The following ETV6 variants were observed in gnomAD, a reference collection of about 807,000 sequenced individuals.
ETV6 encodes the protein transcription factor ETV6.
A neutral mutation model predicts 51.1 loss-of-function variants in ETV6; 16 were observed. The ratio of observed to expected loss-of-function variants is 0.31; its 90% CI spans 0.21 to 0.48. The LOEUF (loss-of-function observed/expected upper bound fraction) is 0.48, where lower values mean the gene tolerates loss of function less well. Among genes scored for constraint, ETV6 ranks in the 20% least tolerant of loss-of-function variants. The probability of loss-of-function intolerance (pLI) is 0.99; values close to 1 mark genes in which losing one functional copy is unlikely to be tolerated. For missense variants in ETV6, 458 were observed against 594.8 expected (o/e 0.77, Z 2.39); for synonymous variants, 240 against 224.1 (o/e 1.07, Z -0.64).
Position 11,884,542 on chromosome 12 carries a change from G to T in ETV6, c.1107G>T (p.Arg369=), listed in dbSNP as rs1403185312. ...RWEDKESKIF[R]IVDPNGLARL... is the part of the protein sequence containing the mutation. ...AGGACAAAGAATCCAAAATATTCCG[G>T]ATAGTGGATCCCAACGGACTGGCTC... The change falls in exon 6 of 8, where the codon CGG becomes CGT. Residue 369 remains arginine (R), a synonymous_variant. Transcript: ENST00000396373. 3 of 1,614,188 alleles carry T rather than the reference G, an allele frequency of 1.9e-6. No individual in the cohort carries two copies. The South Asian group carries it at 3.3e-5, about 18-fold the overall frequency.
rs1408618906 is a variant in ETV6 at position 11,869,070 on chromosome 12, A to C, written c.464-354A>C. Among the ~76,000 whole-genome samples, 1 of 151,998 alleles carries C rather than the reference A, an allele frequency of 6.6e-6. No individual in the cohort carries two copies. The highest frequency in any genetic ancestry group is 2.4e-5 in the African/African-American group (1 of 41,378). On this transcript the variant is annotated intron_variant, in intron 4 of 7. Transcript: ENST00000396373. This position sits in a 1 kb window ranked among gnomAD's most constrained non-coding sequence, Gnocchi z 5.0. ...GCTAACACGGTGAAACCCCATCTCT[A>C]CTAAAAATAAAAAAAATTAGCCGAG...
At chr12:11,773,702 A>G (rs1029156154) in intron 2 of ETV6, among the ~76,000 whole-genome samples, 1 of 152,234 alleles carries the variant, frequency 6.6e-6, no homozygotes, top group Non-Finnish European at 1.5e-5. Context: ...AAATGAAGGC[A>G]GTTGAGGAAA....
chr12:11,891,001 G>A lies in ETV6; in HGVS notation c.1314G>A (p.Glu438=), dbSNP rs754228750. The change falls in exon 8 of 8, where the codon GAG becomes GAA. Residue 438 remains glutamate, a synonymous_variant. Coordinates refer to ENST00000396373, the MANE Select transcript of ETV6 (RefSeq NM_001987.5). The part of the protein sequence containing the change: ...SGRTDRLEHL[E]SQELDEQIYQ... ...GAACAGACCGTCTGGAGCACCTAGAGTCCCAGGAGCTGGATGAACAAATAT... is the reference window on the plus strand; with the variant it reads ...GAACAGACCGTCTGGAGCACCTAGAATCCCAGGAGCTGGATGAACAAATAT... 1.9e-6 allele frequency: 3 copies of A among 1,613,908 alleles called. No homozygotes were observed. Among genetic ancestry groups the A allele is most frequent in the Non-Finnish European group, 2.5e-6 (3 of 1,179,842 alleles).
chr12:11,818,574 G>A (rs2855735), intron 2 of ETV6, among the ~76,000 whole-genome samples: 1 of 150,988 alleles, frequency 6.6e-6, no homozygotes, highest in Non-Finnish European at 1.5e-5. Context: ...TCTTAAGGAA[G>A]ATTTCTCTGG....
At chr12:11,853,738 C>T (rs572738058) in intron 4 of ETV6, among the ~76,000 whole-genome samples, 177 bp downstream of exon 4, 2 of 152,300 alleles carry the variant, frequency 1.3e-5, no homozygotes, top group South Asian at 4.1e-4. Context: ...ACGATCAAAG[C>T]GAAGCAGTGA....
intron 2 of ETV6, among the ~76,000 whole-genome samples, chr12:11,810,288 A>G (rs1945894563): frequency 6.6e-6 from 1 of 152,216 alleles, no homozygotes; most frequent in Non-Finnish European, 1.5e-5. Flanking sequence ...AAGTCCAAGT[A>G]GAAGTCCAAC....
chr12:11,650,485 A>ACAAAC (rs796718704), intron 1 of ETV6, among the ~76,000 whole-genome samples: 4,141 of 64,538 alleles, frequency 0.064, 292 homozygotes, highest in African/African-American at 0.17. Flanking sequence ...TGCGCTTAAA[A>ACAAAC]AAAAAAAAAA....
intron 5 of ETV6, among the ~76,000 whole-genome samples, chr12:11,877,399 G>A (rs931307262): frequency 7.2e-5 from 11 of 152,098 alleles, no homozygotes; most frequent in African/African-American, 2.4e-4. Context: ...TTGCATGAAA[G>A]TGCTGGGGGC....
At chr12:11,859,438 G>A (rs1420041938) in intron 4 of ETV6, among the ~76,000 whole-genome samples, 1 of 151,992 alleles carries the variant, frequency 6.6e-6, no homozygotes, top group Non-Finnish European at 1.5e-5. Context: ...ACCACACCCG[G>A]CCTGAATCTG....
At chr12:11,652,625 T>A (rs1230838288) in intron 1 of ETV6, among the ~76,000 whole-genome samples, 1 of 152,210 alleles carries the variant, frequency 6.6e-6, no homozygotes, top group Non-Finnish European at 1.5e-5. Flanking sequence ...GAAACCGTCC[T>A]CACTTGCTTT....
intron 1 of ETV6, among the ~76,000 whole-genome samples, chr12:11,658,245 T>C (rs1334875889): frequency 6.6e-6 from 1 of 152,160 alleles, no homozygotes; most frequent in Non-Finnish European, 1.5e-5. Context: ...TGTTTTTGTT[T>C]TTGTTTTTGA....
At chr12:11,685,794 G>A (rs1424834787) in intron 1 of ETV6, among the ~76,000 whole-genome samples, 1 of 152,124 alleles carries the variant, frequency 6.6e-6, no homozygotes, top group African/African-American at 2.4e-5. Flanking sequence ...GAACAAAAGT[G>A]GATGATTTCA....
chr12:11,793,310 C>T (rs1026632298), intron 2 of ETV6, among the ~76,000 whole-genome samples: 2 of 152,204 alleles, frequency 1.3e-5, no homozygotes, highest in African/African-American at 2.4e-5. Flanking sequence ...GAGGCACCAA[C>T]GGCAAGCTTG....
At chr12:11,689,458 A>G (rs1449155982) in intron 1 of ETV6, among the ~76,000 whole-genome samples, 1 of 152,056 alleles carries the variant, frequency 6.6e-6, no homozygotes, top group East Asian at 1.9e-4. Flanking sequence ...ATTTCATTTC[A>G]TTTTAAACCA....
chr12:11,691,497 T>A lies in ETV6; in HGVS notation c.33+41337T>A, dbSNP rs567950129. On this transcript the variant is annotated intron_variant, in intron 1 of 7. Coordinates refer to ENST00000396373, the MANE Select transcript of ETV6 (RefSeq NM_001987.5). ...ACATATCGTTCTAAAATGGAACACA[T>A]AAAAACATAAGACATACACACATAA... 3.0e-4 allele frequency among the ~76,000 whole-genome samples: 45 copies of A among 152,328 alleles called. 1 individual carries two copies. Among genetic ancestry groups the A allele is most frequent in the Non-Finnish European group, 8.8e-5 (6 of 68,020 alleles).
At chr12:11,781,501 T>A (rs1945413616) in intron 2 of ETV6, among the ~76,000 whole-genome samples, 1 of 152,242 alleles carries the variant, frequency 6.6e-6, no homozygotes, top group South Asian at 2.1e-4. Flanking sequence ...GATTTGATGC[T>A]CAGCTTTGCC....
At chr12:11,717,134 G>A (rs761949960) in intron 1 of ETV6, among the ~76,000 whole-genome samples, 35 of 152,112 alleles carry the variant, frequency 2.3e-4, no homozygotes, top group Non-Finnish European at 1.5e-4. Context: ...TTCCTGCATC[G>A]TATATGTTAA....
At chr12:11,880,700 G>A (rs1947077827) in intron 5 of ETV6, among the ~76,000 whole-genome samples, 1 of 152,168 alleles carries the variant, frequency 6.6e-6, no homozygotes. Context: ...GGGCTGCCAT[G>A]ATGTCACCCA....
chr12:11,752,589 C>T lies in ETV6; in HGVS notation c.163+10C>T, dbSNP rs377058061. On this transcript the variant is annotated intron_variant, in intron 2 of 7. Coordinates refer to ENST00000396373, the MANE Select transcript of ETV6 (RefSeq NM_001987.5). ...CTGCCTGCGCACCTGCGTGAGTGTT[C>T]GTGACCCGAGAGGGACAGAGGATTG... is the stretch of plus-strand genomic sequence containing the variant. 73 of 1,608,644 alleles carry T rather than the reference C, an allele frequency of 4.5e-5. No homozygotes were observed. The highest frequency in any genetic ancestry group is 3.2e-4 in the African/African-American group (24 of 74,848).
Sources: allele counts gnomAD v4.1 joint callset (sites outside exome capture counted in the v4.1 genomes callset), GRCh38; gene constraint gnomAD v4.1.1; non-coding constraint Gnocchi (gnomAD v3.1); transcripts MANE v1.5; gene names NCBI Gene and HGNC (gene_info 2026-07-23, HGNC 2026-07-21).